The following KSR2 variants were observed in gnomAD, a reference collection of about 807,000 sequenced individuals.
The protein encoded by KSR2 is kinase suppressor of ras 2.
In KSR2, 25 loss-of-function variants were observed where a neutral mutation model predicts 107.8. The ratio of observed to expected loss-of-function variants is 0.23; its 90% CI spans 0.17 to 0.32. The LOEUF (loss-of-function observed/expected upper bound fraction) is 0.32. KSR2 is among the 10% of genes least tolerant of loss of function. KSR2 has a pLI of 1.00. For synonymous variants in KSR2, 480 were observed against 507.0 expected, an observed-to-expected ratio of 0.95 and a Z score of 0.71; for missense variants, 887 against 1,268.9, an observed-to-expected ratio of 0.70 and a Z score of 4.57.
intron 8 of KSR2, among the ~76,000 whole-genome samples, chr12:117,558,087 T>A (rs377191285): frequency 2.5e-4 from 38 of 152,274 alleles, no homozygotes; most frequent in African/African-American, 9.1e-4. Context: ...ACCCAAGACA[T>A]ACCCCTCCTC....
At chr12:117,659,542 A>T (rs1884335656) in intron 5 of KSR2, among the ~76,000 whole-genome samples, 1 of 152,210 alleles carries the variant, frequency 6.6e-6, no homozygotes, top group South Asian at 2.1e-4. Context: ...GTTGCTAAGC[A>T]CTTTGAGTGG....
At chr12:117,809,456 C>A (rs1266042592) in intron 3 of KSR2, among the ~76,000 whole-genome samples, 2 of 152,178 alleles carry the variant, frequency 1.3e-5, no homozygotes, top group African/African-American at 4.8e-5. Context: ...TGCCAAATGT[C>A]CACGGGAGCA....
chr12:117,454,695 C>T lies in KSR2; in HGVS notation c.*12504G>A, dbSNP rs1290348445. Reference sequence around the variant, plus strand: ...CCATAAATACATTTCCACGTTCACACATGTCCTTGACCTCAACACTTCAGG... The same window carrying T: ...CCATAAATACATTTCCACGTTCACATATGTCCTTGACCTCAACACTTCAGG... On this transcript the variant is annotated 3_prime_UTR_variant, in exon 20 of 20. Coordinates refer to ENST00000339824, the MANE Select transcript of KSR2 (RefSeq NM_173598.6). 2 of 152,186 alleles carry T rather than the reference C, an allele frequency of 1.3e-5. No individual in the cohort carries two copies. Among genetic ancestry groups the T allele is most frequent in the Non-Finnish European group, 2.9e-5 (2 of 68,048 alleles). 9.4% of individuals were successfully genotyped at this position (152,186 alleles called of 1,614,324 possible).
intron 19 of KSR2, 77 bp downstream of exon 19, chr12:117,469,585 G>T: frequency 2.0e-6 from 3 of 1,530,842 alleles, no homozygotes; most frequent in Non-Finnish European, 2.7e-6. Flanking sequence ...GAGTAAAAAA[G>T]ATGCAGAGGG....
At chr12:117,824,215 T>TA (rs1891658279) in intron 3 of KSR2, among the ~76,000 whole-genome samples, 1 of 146,148 alleles carries the variant, frequency 6.8e-6, no homozygotes, top group Non-Finnish European at 1.5e-5. Flanking sequence ...CTCATGAAGA[T>TA]AGAGAGTAGA....
At chr12:117,825,268 G>A (rs1166054892) in intron 3 of KSR2, among the ~76,000 whole-genome samples, 1 of 152,212 alleles carries the variant, frequency 6.6e-6, no homozygotes, top group Non-Finnish European at 1.5e-5. Context: ...TGGGTGCATG[G>A]ATCATATGTG....
intron 3 of KSR2, among the ~76,000 whole-genome samples, chr12:117,801,396 T>C (rs369669143): frequency 1.3e-5 from 2 of 152,184 alleles, no homozygotes; most frequent in East Asian, 3.9e-4. Flanking sequence ...CCCAAAGTGC[T>C]GGGATTACTG....
At chr12:117,762,936 A>G (rs1309488222) in intron 3 of KSR2, among the ~76,000 whole-genome samples, 2 of 152,060 alleles carry the variant, frequency 1.3e-5, no homozygotes, top group Non-Finnish European at 2.9e-5. Context: ...CATGTGCACA[A>G]TGTGCAGGTT....
chr12:117,841,585 G>A (rs962865916), intron 3 of KSR2, among the ~76,000 whole-genome samples: 1 of 152,196 alleles, frequency 6.6e-6, no homozygotes, highest in Non-Finnish European at 1.5e-5. Context: ...CTCAGTTCCA[G>A]TGTAAGCTGC....
chr12:117,839,083 C>G lies in KSR2; in HGVS notation c.472+16345G>C, dbSNP rs541233989. Reference sequence around the variant, plus strand: ...AACCCCTGTTTTAGAGAGAAAATCTCTCATTATCTGATCACTATCCCTCCC... The same window carrying G: ...AACCCCTGTTTTAGAGAGAAAATCTGTCATTATCTGATCACTATCCCTCCC... On this transcript the variant is annotated intron_variant, in intron 3 of 19. Transcript: ENST00000339824. 5.9e-5 allele frequency among the ~76,000 whole-genome samples: 9 copies of G among 152,330 alleles called. No individual in the cohort carries two copies. The South Asian group carries it at 1.9e-3, about 32-fold the overall frequency.
At chr12:117,552,099 C>T (rs987801473) in intron 9 of KSR2, among the ~76,000 whole-genome samples, 3 of 152,208 alleles carry the variant, frequency 2.0e-5, no homozygotes, top group Admixed American at 2.0e-4. Context: ...CAGTGGGGAT[C>T]CCCTCTCCTA....
At chr12:117,587,792 C>A (rs1465251406) in intron 5 of KSR2, among the ~76,000 whole-genome samples, 1 of 152,182 alleles carries the variant, frequency 6.6e-6, no homozygotes. Context: ...TGTTTTAAGG[C>A]AATGGGAGCC....
intron 4 of KSR2, among the ~76,000 whole-genome samples, chr12:117,699,656 T>C (rs1480390692): frequency 6.6e-6 from 1 of 152,190 alleles, no homozygotes; most frequent in African/African-American, 2.4e-5. Flanking sequence ...GCATTTACCA[T>C]GAATGGAGCT....
At chr12:117,574,568 A>G (rs1321213957) in intron 7 of KSR2, among the ~76,000 whole-genome samples, 2 of 152,168 alleles carry the variant, frequency 1.3e-5, no homozygotes, top group Non-Finnish European at 2.9e-5. Flanking sequence ...CTTATTCACT[A>G]CCACAAGGAC....
chr12:117,646,415 C>T (rs1041547438), intron 5 of KSR2, among the ~76,000 whole-genome samples: 1 of 152,136 alleles, frequency 6.6e-6, no homozygotes, highest in African/African-American at 2.4e-5. Flanking sequence ...ATCAATTAGT[C>T]CCATTTTATA....
chr12:117,928,224 G>A (rs1234981493), intron 1 of KSR2, among the ~76,000 whole-genome samples: 1 of 150,006 alleles, frequency 6.7e-6, no homozygotes, highest in Non-Finnish European at 1.5e-5. Context: ...CTGTCACCCA[G>A]GCTGGAGTGC....
chr12:117,486,895 A>G (rs576132724), intron 14 of KSR2, among the ~76,000 whole-genome samples: 11 of 152,378 alleles, frequency 7.2e-5, no homozygotes, highest in African/African-American at 2.4e-4. Context: ...CTTGGCATCC[A>G]GTGGGAAGTA....
intron 1 of KSR2, among the ~76,000 whole-genome samples, chr12:117,922,840 G>A (rs1566083242): frequency 6.6e-6 from 1 of 152,074 alleles, no homozygotes; most frequent in Non-Finnish European, 1.5e-5. Flanking sequence ...CATTATTTGT[G>A]GATTATTCCA....
intron 1 of KSR2, chr12:117,889,426 C>T (rs1282045676): frequency 6.6e-6 from 1 of 152,200 alleles, no homozygotes; most frequent in East Asian, 1.9e-4. Context: ...CAACAATCCT[C>T]ACTCGCAGCC....
Sources: allele counts gnomAD v4.1 joint callset (sites outside exome capture counted in the v4.1 genomes callset), GRCh38; gene constraint gnomAD v4.1.1; transcripts MANE v1.5; gene names NCBI Gene and HGNC (gene_info 2026-07-23, HGNC 2026-07-21).